IDE: variants seen among roughly 807,000 people sequenced by gnomAD.
IDE encodes insulin-degrading enzyme.
A neutral mutation model predicts 133.2 loss-of-function variants in IDE; 58 were observed. The observed-to-expected ratio is 0.44, with a 90% CI of 0.35 to 0.54. The LOEUF (loss-of-function observed/expected upper bound fraction) is 0.54, where lower values mean the gene tolerates loss of function less well. Among genes scored for constraint, IDE ranks in the 20% least tolerant of loss-of-function variants. The pLI, the probability that IDE is intolerant of heterozygous loss-of-function variation, is 0.00. For missense variants in IDE, 981 were observed against 1,234.0 expected (o/e 0.79, Z 3.07); for synonymous variants, 396 against 421.3 (o/e 0.94, Z 0.73).
chr10:92,490,425 G>A lies in IDE; in HGVS notation c.1533+68C>T, dbSNP rs540380815. The A allele has an allele frequency of 5.2e-6, 5 of 955,094 alleles. No individual in the cohort carries two copies. In the Admixed American group the frequency reaches 5.7e-5, roughly 11 times the overall value. 59.2% of individuals were successfully genotyped at this position (955,094 alleles called of 1,614,324 possible). ...TCCACACTCTGGGGCCTTAGTTGGT[G>A]GATCTAGGGAGCAATGTTCTTGTGA... On this transcript the variant is annotated intron_variant, in intron 12 of 24. Transcript: ENST00000265986.
At chr10:92,545,457 TCA>T (rs1218345901) in intron 1 of IDE, among the ~76,000 whole-genome samples, 1 of 152,200 alleles carries the variant, frequency 6.6e-6, no homozygotes, top group Non-Finnish European at 1.5e-5. Context: ...ATTACAAAAA[TCA>T]CATTTGCAAA....
intron 11 of IDE, among the ~76,000 whole-genome samples, chr10:92,504,181 A>G (rs1031716351): frequency 1.3e-5 from 2 of 152,194 alleles, no homozygotes; most frequent in African/African-American, 4.8e-5. Flanking sequence ...ATGTCATTCA[A>G]TTATATTCCC....
At chr10:92,466,268 C>T (rs1290904093) in intron 19 of IDE, among the ~76,000 whole-genome samples, 4 of 147,432 alleles carry the variant, frequency 2.7e-5, no homozygotes, top group South Asian at 2.1e-4. Flanking sequence ...GAGAGAGGAA[C>T]GTGGCCTGTA....
At chr10:92,544,989 G>T (rs966793245) in intron 1 of IDE, among the ~76,000 whole-genome samples, 3 of 152,006 alleles carry the variant, frequency 2.0e-5, no homozygotes. Context: ...AAAAAGAGAA[G>T]AAAATCATAA....
chr10:92,525,506 C>T (rs1361990311), intron 4 of IDE, among the ~76,000 whole-genome samples: 1 of 152,056 alleles, frequency 6.6e-6, no homozygotes. Flanking sequence ...CCACTTTTAC[C>T]ACTTTATACA....
rs557143125 is a variant in IDE at position 92,462,530 on chromosome 10, C to T, written c.2761+1201G>A. On this transcript the variant is annotated intron_variant, in intron 21 of 24. Coordinates refer to ENST00000265986, the MANE Select transcript of IDE (RefSeq NM_004969.4). The stretch of plus-strand genomic sequence containing the variant: ...AGGCTGAGGCAGAATTGCTTGAACC[C>T]GGGAGGTGGAGGTTGCGGTGAGCCG... Among the ~76,000 whole-genome samples, 21 of 151,974 alleles carry T rather than the reference C, an allele frequency of 1.4e-4. No individual in the cohort carries two copies. The East Asian group carries it at 3.1e-3, about 23-fold the overall frequency.
intron 1 of IDE, among the ~76,000 whole-genome samples, chr10:92,566,986 C>T (rs752228103): frequency 4.6e-5 from 7 of 152,156 alleles, no homozygotes; most frequent in Non-Finnish European, 5.9e-5. Context: ...TAAGAAACCC[C>T]AGTAGTAGGT....
intron 21 of IDE, among the ~76,000 whole-genome samples, chr10:92,462,317 T>TTA (rs1236994575): frequency 4.0e-5 from 3 of 75,168 alleles, no homozygotes; most frequent in Non-Finnish European, 7.9e-5. Context: ...AACTGTCTCA[T>TTA]AAAAAAAAAA....
chr10:92,507,736 A>C, intron 8 of IDE, 70 bp from the exon 9 acceptor site: 1 of 865,906 alleles, frequency 1.2e-6, no homozygotes, highest in African/African-American at 1.6e-5. Flanking sequence ...CTCACTCCTA[A>C]GGTAAAGTCA....
At chr10:92,508,609 A>G (rs1848428516) in intron 7 of IDE, 119 bp downstream of exon 7, 8 of 864,264 alleles carry the variant, frequency 9.3e-6, no homozygotes, top group Admixed American at 2.4e-5. Context: ...CATCTCACTC[A>G]CTAACCCAAA....
intron 1 of IDE, among the ~76,000 whole-genome samples, chr10:92,550,516 T>TG (rs34330550): frequency 0.07 from 10,670 of 152,138 alleles, 451 homozygotes; most frequent in Middle Eastern, 0.18. Context: ...CCGGGTGTGG[T>TG]GGCAGGTGCC....
rs546256981 is a variant in IDE at position 92,460,770 on chromosome 10, C to G, written c.2823+421G>C. On this transcript the variant is annotated intron_variant, in intron 22 of 24. Transcript: ENST00000265986. ...AGCGTTTGTGTCAAAAAACTCAAAT[C>G]CACAAAAACACCTTCATAAATCCAG... is the stretch of plus-strand genomic sequence containing the variant. 4.6e-5 allele frequency among the ~76,000 whole-genome samples: 7 copies of G among 152,320 alleles called. No homozygotes were observed. The South Asian group carries it at 1.4e-3, about 32-fold the overall frequency.
intron 1 of IDE, among the ~76,000 whole-genome samples, chr10:92,552,476 C>T (rs1319014428): frequency 6.6e-6 from 1 of 152,106 alleles, no homozygotes; most frequent in Non-Finnish European, 1.5e-5. Flanking sequence ...ATGTGGCTGT[C>T]CACCAGAGGC....
Position 92,470,240 on chromosome 10 carries a change from C to T in IDE, c.2208+14G>A, listed in dbSNP as rs760698578. 3.1e-5 allele frequency: 48 copies of T among 1,569,622 alleles called. No individual in the cohort carries two copies. The Middle Eastern group carries it at 2.7e-3, about 88-fold the overall frequency. On this transcript the variant is annotated intron_variant, in intron 18 of 24. Coordinates refer to ENST00000265986, the MANE Select transcript of IDE (RefSeq NM_004969.4). ...AATGATCCACAAAAGATTGCTAAAA[C>T]CTCAACCACCCACCTGCTTTGTTAT...
At chr10:92,523,008 C>A (rs984094952) in intron 4 of IDE, among the ~76,000 whole-genome samples, 9 of 152,134 alleles carry the variant, frequency 5.9e-5, no homozygotes, top group African/African-American at 2.2e-4. Flanking sequence ...ACTAGTTACA[C>A]TTCTTTGCAT....
At chr10:92,513,624 T>A (rs1848743137) in intron 5 of IDE, among the ~76,000 whole-genome samples, 1 of 149,974 alleles carries the variant, frequency 6.7e-6, no homozygotes, top group Admixed American at 6.7e-5. Context: ...AAGAACATTT[T>A]AAAAATTATA....
chr10:92,521,739 T>C (rs1849236475), intron 4 of IDE, among the ~76,000 whole-genome samples: 1 of 152,030 alleles, frequency 6.6e-6, no homozygotes. Flanking sequence ...ATCACTAATA[T>C]GTAATACTTA....
In IDE at chr10:92,531,935, AAT is replaced by A; in HGVS notation, c.492-20_492-19del. 1 of 1,461,102 alleles carries A rather than the reference AAT, an allele frequency of 6.8e-7. No individual in the cohort carries two copies. The highest frequency in any genetic ancestry group is 1.4e-5 in the African/African-American group (1 of 70,572). 90.5% of individuals were successfully genotyped at this position (1,461,102 alleles called of 1,614,324 possible). ...GTGCAAACCTAAGGGTACGAAACAT[AAT>A]TAAAACTTGAAAGATGTCATTTTAA... On this transcript the variant is annotated intron_variant, in intron 3 of 24. Transcript: ENST00000265986.
chr10:92,488,775 TAAA>T (rs755955577), intron 12 of IDE, among the ~76,000 whole-genome samples: 2 of 121,412 alleles, frequency 1.6e-5, no homozygotes, highest in Admixed American at 7.9e-5. Flanking sequence ...AGACTCTGTC[TAAA>T]AAAAAAAAAA....
Sources: allele counts gnomAD v4.1 joint callset (sites outside exome capture counted in the v4.1 genomes callset), GRCh38; gene constraint gnomAD v4.1.1; transcripts MANE v1.5; gene names NCBI Gene and HGNC (gene_info 2026-07-23, HGNC 2026-07-21).